APBB2: variants seen among roughly 807,000 people sequenced by gnomAD.
The protein encoded by APBB2 is Fe65-like 1.
Under a neutral mutation model 82.5 loss-of-function variants are expected in APBB2, and 38 were observed. That is an observed-to-expected ratio of 0.46 (90% CI 0.36 to 0.60). The LOEUF (loss-of-function observed/expected upper bound fraction) is 0.60, where lower values mean the gene tolerates loss of function less well. Among genes scored for constraint, APBB2 ranks in the 20% least tolerant of loss-of-function variants. APBB2 has a pLI of 0.00. For missense variants in APBB2, 772 were observed against 972.3 expected, an observed-to-expected ratio of 0.79 and a Z score of 2.74; for synonymous variants, 341 against 368.2, an observed-to-expected ratio of 0.93 and a Z score of 0.85.
intron 10 of APBB2, among the ~76,000 whole-genome samples, chr4:40,898,687 G>A (rs1485317091): frequency 6.6e-6 from 1 of 151,594 alleles, no homozygotes; most frequent in Non-Finnish European, 1.5e-5. Flanking sequence ...CGATACATAC[G>A]AATATATGAT....
intron 17 of APBB2, among the ~76,000 whole-genome samples, chr4:40,819,014 A>G (rs894847161): frequency 6.6e-6 from 1 of 151,056 alleles, no homozygotes; most frequent in Admixed American, 6.6e-5. Flanking sequence ...CCCTTCATTC[A>G]TAACCTCACA....
intron 10 of APBB2, among the ~76,000 whole-genome samples, chr4:40,901,790 C>T (rs1470458325): frequency 6.6e-6 from 1 of 152,172 alleles, no homozygotes; most frequent in Non-Finnish European, 1.5e-5. Context: ...GCTGGGATTA[C>T]AGGCGTGAGC....
chr4:40,829,857 C>T (rs935217742), intron 13 of APBB2, among the ~76,000 whole-genome samples: 3 of 152,170 alleles, frequency 2.0e-5, no homozygotes, highest in Non-Finnish European at 2.9e-5. Flanking sequence ...GGTGCTTCTA[C>T]GAGCCACTGT....
At chr4:40,998,489 A>G (rs761252354) in intron 6 of APBB2, among the ~76,000 whole-genome samples, 1 of 152,236 alleles carries the variant, frequency 6.6e-6, no homozygotes, top group Admixed American at 6.5e-5. Flanking sequence ...GTAACATCAA[A>G]AAAGAATATC....
chr4:41,116,264 T>C (rs1171404398), intron 2 of APBB2, among the ~76,000 whole-genome samples: 1 of 151,920 alleles, frequency 6.6e-6, no homozygotes, highest in East Asian at 1.9e-4. Context: ...AGTTGAACAA[T>C]GGGAACACAT....
At chr4:41,191,376 T>C (rs1429686457) in intron 1 of APBB2, among the ~76,000 whole-genome samples, 1 of 152,212 alleles carries the variant, frequency 6.6e-6, no homozygotes, top group African/African-American at 2.4e-5. Context: ...TCAACAGCTA[T>C]CAAATCTTTT....
intron 5 of APBB2, among the ~76,000 whole-genome samples, chr4:41,017,290 G>C (rs1157502473): frequency 2.0e-5 from 3 of 152,202 alleles, no homozygotes; most frequent in African/African-American, 4.8e-5. Flanking sequence ...AAAAGAAAAA[G>C]TTCAATTCTA....
rs115964536 is a variant in APBB2, at chr4:41,055,667, G to A, written c.-51+9909C>T. ...TCATCTACTGAAGCAGGCACACAGC[G>A]TGGTTAAAAGCACAGACTCTGGAGC... On this transcript the variant is annotated intron_variant, in intron 4 of 17. Transcript: ENST00000508593. Among the ~76,000 whole-genome samples the A allele has an allele frequency of 4.1e-3, 627 of 152,282 alleles. 4 individuals are homozygous for A. Among genetic ancestry groups the A allele is most frequent in the African/African-American group, 0.014 (602 of 41,554 alleles).
At chr4:41,200,897 T>A (rs1776534764) in intron 1 of APBB2, among the ~76,000 whole-genome samples, 2 of 152,216 alleles carry the variant, frequency 1.3e-5, no homozygotes, top group Admixed American at 1.3e-4. Flanking sequence ...TGCATGTGTA[T>A]TCACATATAC....
intron 1 of APBB2, among the ~76,000 whole-genome samples, chr4:41,204,515 T>C (rs986501312): frequency 1.3e-5 from 2 of 152,160 alleles, no homozygotes; most frequent in Non-Finnish European, 2.9e-5. Flanking sequence ...TTAGCATCCC[T>C]TCTCCTGGAA....
chr4:40,909,384 C>G (rs1777946096), intron 10 of APBB2, among the ~76,000 whole-genome samples: 1 of 152,184 alleles, frequency 6.6e-6, no homozygotes, highest in Admixed American at 6.5e-5. Flanking sequence ...AGTTTTCAAT[C>G]CCCAGGCCAC....
chr4:40,958,679 C>T (rs1161333187), intron 6 of APBB2, among the ~76,000 whole-genome samples: 1 of 152,160 alleles, frequency 6.6e-6, no homozygotes, highest in East Asian at 1.9e-4. Flanking sequence ...GATCACAACT[C>T]ACTGCAGCCT....
intron 12 of APBB2, among the ~76,000 whole-genome samples, chr4:40,874,276 A>T (rs920233026): frequency 6.6e-6 from 1 of 152,218 alleles, no homozygotes; most frequent in Non-Finnish European, 1.5e-5. Context: ...AAATTCTTAC[A>T]TGCATATCCT....
chr4:40,982,469 G>A (rs1344977990), intron 6 of APBB2, among the ~76,000 whole-genome samples: 1 of 149,742 alleles, frequency 6.7e-6, no homozygotes, highest in Non-Finnish European at 1.5e-5. Context: ...ATGAATTTGA[G>A]ACCAGAGACC....
intron 1 of APBB2, among the ~76,000 whole-genome samples, chr4:41,203,222 G>A (rs184237600): frequency 2.0e-5 from 3 of 151,918 alleles, no homozygotes; most frequent in East Asian, 3.9e-4. Flanking sequence ...ACACACACAC[G>A]TGTACACGTA....
intron 3 of APBB2, among the ~76,000 whole-genome samples, chr4:41,093,811 GCCATTGCACT>G (rs1442230647): frequency 6.6e-6 from 1 of 151,072 alleles, no homozygotes; most frequent in African/African-American, 2.4e-5. Context: ...CCAAGATTGT[GCCATTGCACT>G]CCAGCCTGGG....
At chr4:40,907,373 A>G (rs1777208847) in intron 10 of APBB2, among the ~76,000 whole-genome samples, 2 of 37,418 alleles carry the variant, frequency 5.3e-5, no homozygotes, top group African/African-American at 2.7e-4. Context: ...ATATATATAT[A>G]TATATATTTT....
chr4:41,035,669 C>T (rs184571531), intron 4 of APBB2, among the ~76,000 whole-genome samples: 34 of 152,304 alleles, frequency 2.2e-4, no homozygotes, highest in African/African-American at 7.9e-4. Flanking sequence ...AATCTACATA[C>T]AGTTGGCCCT....
At chr4:40,903,276 C>T (rs1328899354) in intron 10 of APBB2, among the ~76,000 whole-genome samples, 1 of 150,054 alleles carries the variant, frequency 6.7e-6, no homozygotes, top group African/African-American at 2.5e-5. Context: ...GCCTGGCCAA[C>T]ATGGCAAAAC....
Sources: allele counts gnomAD v4.1 joint callset (sites outside exome capture counted in the v4.1 genomes callset), GRCh38; gene constraint gnomAD v4.1.1; transcripts MANE v1.5; gene names NCBI Gene and HGNC (gene_info 2026-07-23, HGNC 2026-07-21).